Variants in OXR1 observed in about 807,000 individuals in gnomAD.
OXR1 encodes the protein oxidation resistance protein 1.
In OXR1, 41 loss-of-function variants were observed where a neutral mutation model predicts 104.6. The observed-to-expected ratio is 0.39, with a 90% CI of 0.31 to 0.51. The LOEUF (loss-of-function observed/expected upper bound fraction) is 0.51, where lower values mean the gene tolerates loss of function less well. Ranked by LOEUF, OXR1 falls within the 20% of genes least tolerant of loss-of-function variation. OXR1 has a pLI of 0.77. For synonymous variants in OXR1, 348 were observed against 348.4 expected, an observed-to-expected ratio of 1.00 and a Z score of 0.01; for missense variants, 955 against 1,031.9, an observed-to-expected ratio of 0.93 and a Z score of 1.02.
chr8:106,566,377 C>A (rs1227947636), intron 3 of OXR1, among the ~76,000 whole-genome samples: 2 of 152,138 alleles, frequency 1.3e-5, no homozygotes, highest in Non-Finnish European at 2.9e-5. Flanking sequence ...AAAAGCTCAT[C>A]ACCACTGGTC....
chr8:106,405,698 G>C (rs1305859140), intron 2 of OXR1, among the ~76,000 whole-genome samples: 2 of 152,124 alleles, frequency 1.3e-5, no homozygotes, highest in Non-Finnish European at 1.5e-5. Flanking sequence ...TCCCAGCCAT[G>C]ATGATGTAAC....
At chr8:106,444,747 T>C (rs1002218869) in intron 2 of OXR1, among the ~76,000 whole-genome samples, 5 of 152,108 alleles carry the variant, frequency 3.3e-5, no homozygotes, top group Admixed American at 2.0e-4. Flanking sequence ...CAAACCACCA[T>C]GGCACACGTA....
rs756413895 is a variant in OXR1, at chr8:106,706,616, G to A, written c.1095G>A (p.Ala365=). 3.0e-5 allele frequency: 48 copies of A among 1,612,862 alleles called. No homozygotes were observed. Among genetic ancestry groups the A allele is most frequent in the Middle Eastern group, 1.6e-4 (1 of 6,072 alleles). The part of the protein sequence containing the change: ...DELRQDKSSG[A]SSESVQTVNQ... Reference sequence around the variant, plus strand: ...TGCGACAAGATAAATCTTCTGGTGCGTCATCAGAATCTGTGCAAACTGTCA... The same window carrying A: ...TGCGACAAGATAAATCTTCTGGTGCATCATCAGAATCTGTGCAAACTGTCA... The change falls in exon 9 of 17, where the codon GCG becomes GCA. Residue 365 remains alanine (A), a synonymous_variant. Transcript: ENST00000517566.
rs1209587989 is a variant in OXR1, at chr8:106,428,506, G to A, written c.23+68870G>A. On this transcript the variant is annotated intron_variant, in intron 2 of 16. Coordinates refer to ENST00000517566, the MANE Select transcript of OXR1 (RefSeq NM_001198533.2). ...AGGAGGAAGAGGTTGGAATGGATAT[G>A]GAGGCCACTGGTCTACAGTTTTTAC... 2.6e-5 allele frequency among the ~76,000 whole-genome samples: 4 copies of A among 152,158 alleles called. No individual in the cohort carries two copies. In the East Asian group the frequency reaches 5.8e-4, roughly 22 times the overall value.
At chr8:106,292,385 A>T (rs1295956725) in intron 1 of OXR1, among the ~76,000 whole-genome samples, 1 of 152,192 alleles carries the variant, frequency 6.6e-6, no homozygotes, top group Non-Finnish European at 1.5e-5. Flanking sequence ...TGGAGAAGGA[A>T]AACAAAATTT....
intron 1 of OXR1, among the ~76,000 whole-genome samples, chr8:106,316,742 A>G (rs1030517589): frequency 4.0e-5 from 6 of 149,460 alleles, no homozygotes; most frequent in Non-Finnish European, 9.0e-5. Flanking sequence ...CTATCTATCT[A>G]TCTATCTATC....
In OXR1 at chr8:106,707,136, C is replaced by T. The variant is rs746875518; in HGVS notation, c.1615C>T (p.His539Tyr). 6.2e-7 allele frequency: 1 copy of T among 1,612,756 alleles called. No individual in the cohort carries two copies. Among genetic ancestry groups the T allele is most frequent in the Admixed American group, 1.7e-5 (1 of 59,918 alleles). The change falls in exon 9 of 17, where the codon CAC becomes TAC. Residue 539 changes from histidine (H) to tyrosine (Y), a missense_variant. By Grantham distance (83) the His-to-Tyr change is moderately conservative (BLOSUM62 2). This residue lies in a region of OXR1 where 849 missense variants were observed against 852.9 expected (regional missense o/e 1.00). Transcript: ENST00000517566. ...GCATAAAATTACATCTGCTGATGGA[C>T]ACATAGAAAGTAAGTGTTATAGAGT... is the stretch of plus-strand genomic sequence containing the variant. Reference protein sequence around the residue: ...AKHKITSADGHIESSALLKEK... With the variant: ...AKHKITSADGYIESSALLKEK...
intron 11 of OXR1, among the ~76,000 whole-genome samples, chr8:106,727,703 G>A (rs1191282587): frequency 2.0e-5 from 3 of 152,130 alleles, no homozygotes; most frequent in Non-Finnish European, 4.4e-5. Flanking sequence ...AGGATTCCAG[G>A]CCACTGCGCC....
chr8:106,633,943 C>T (rs1822918909), intron 3 of OXR1, among the ~76,000 whole-genome samples: 1 of 152,126 alleles, frequency 6.6e-6, no homozygotes, highest in Non-Finnish European at 1.5e-5. Flanking sequence ...TCAGCAATTT[C>T]CTTATTAATA....
chr8:106,309,999 A>AT (rs1563709657), intron 1 of OXR1, among the ~76,000 whole-genome samples: 1 of 151,410 alleles, frequency 6.6e-6, no homozygotes, highest in African/African-American at 2.4e-5. Flanking sequence ...GAATATCTTC[A>AT]TTTTTTATGT....
At chr8:106,749,771 G>GC (rs374853828) in intron 16 of OXR1, among the ~76,000 whole-genome samples, 7 of 152,066 alleles carry the variant, frequency 4.6e-5, no homozygotes, top group Non-Finnish European at 8.8e-5. Flanking sequence ...AATAGTCTTT[G>GC]CCCCCTCTCC....
At chr8:106,378,070 A>T (rs942019329) in intron 2 of OXR1, among the ~76,000 whole-genome samples, 40 of 152,216 alleles carry the variant, frequency 2.6e-4, no homozygotes, top group African/African-American at 9.4e-4. Context: ...TAATAAGTGC[A>T]TATCTATATT....
chr8:106,635,803 C>T (rs1338395374), intron 3 of OXR1, among the ~76,000 whole-genome samples: 1 of 152,102 alleles, frequency 6.6e-6, no homozygotes, highest in African/African-American at 2.4e-5. Flanking sequence ...AGTGATTAAT[C>T]ACTTAAAGGG....
chr8:106,308,989 T>G (rs1195430192), intron 1 of OXR1, among the ~76,000 whole-genome samples: 2 of 151,786 alleles, frequency 1.3e-5, no homozygotes, highest in Non-Finnish European at 2.9e-5. Context: ...TTTTTTTTGT[T>G]TTTTTTTGAG....
intron 12 of OXR1, among the ~76,000 whole-genome samples, chr8:106,737,843 G>A (rs1252950567): frequency 1.3e-5 from 2 of 152,088 alleles, no homozygotes; most frequent in Non-Finnish European, 1.5e-5. Context: ...TCAGTATTGT[G>A]TGTTTCTTTC....
intron 2 of OXR1, among the ~76,000 whole-genome samples, chr8:106,410,595 G>A (rs115946188): frequency 0.013 from 2,044 of 152,210 alleles, 41 homozygotes; most frequent in African/African-American, 0.045. Context: ...TGAGCCAAGT[G>A]AGGATCCAAG....
chr8:106,451,407 T>C (rs1344947248), intron 2 of OXR1, among the ~76,000 whole-genome samples: 1 of 152,228 alleles, frequency 6.6e-6, no homozygotes, highest in Admixed American at 6.5e-5. Context: ...TACATTATAG[T>C]TTTCATTCTT....
At chr8:106,707,331 G>T (rs1831243630) in intron 9 of OXR1, 186 bp downstream of exon 9, 2 of 676,094 alleles carry the variant, frequency 3.0e-6, no homozygotes, top group Non-Finnish European at 5.3e-6. Context: ...TTATCCCACA[G>T]GTGGATTGTA....
intron 1 of OXR1, among the ~76,000 whole-genome samples, chr8:106,336,489 A>G (rs1183376887): frequency 6.6e-6 from 1 of 152,248 alleles, no homozygotes; most frequent in Non-Finnish European, 1.5e-5. Context: ...TTGCATAACA[A>G]ACCCACCAAT....
Sources: gnomAD v4.1 joint callset for allele counts (sites outside exome capture counted in the v4.1 genomes callset) on GRCh38, gnomAD v4.1.1 for gene constraint, gnomAD v4.1.1 regional missense constraint, MANE v1.5 for transcripts, NCBI Gene and HGNC (gene_info 2026-07-23, HGNC 2026-07-21) for gene names.